Variants in PRKN observed in about 807,000 individuals in gnomAD.
The protein encoded by PRKN is parkin RBR E3 ubiquitin protein ligase, also known as E3 ubiquitin-protein ligase parkin.
In PRKN, 56 loss-of-function variants were observed where a neutral mutation model predicts 59.5. The ratio of observed to expected loss-of-function variants is 0.94; its 90% CI spans 0.76 to 1.18. The LOEUF is 1.18. Ranked by LOEUF, PRKN falls within the 50% of genes most tolerant of loss-of-function variation. The pLI is 0.00. For missense variants in PRKN, 657 were observed against 596.4 expected (o/e 1.10, Z -1.06); for synonymous variants, 250 against 222.1 (o/e 1.13, Z -1.12).
At chr6:162,339,287 A>G (rs1300281909) in intron 2 of PRKN, among the ~76,000 whole-genome samples, 6 of 99,844 alleles carry the variant, frequency 6.0e-5, no homozygotes, top group African/African-American at 1.9e-4. Context: ...TCCGGGAGGG[A>G]GGTGGGGGGG....
At chr6:162,292,849 G>A (rs1208687304) in intron 2 of PRKN, among the ~76,000 whole-genome samples, 1 of 152,050 alleles carries the variant, frequency 6.6e-6, no homozygotes, top group East Asian at 1.9e-4. Flanking sequence ...ATTCTTTCTG[G>A]GATCTCCTAC....
chr6:161,532,130 C>T (rs1322706748), intron 9 of PRKN, among the ~76,000 whole-genome samples: 3 of 145,182 alleles, frequency 2.1e-5, no homozygotes, highest in Non-Finnish European at 4.5e-5. Context: ...TCCATCCTAT[C>T]TCTGTCTTGC....
At chr6:161,946,414 A>ACACTCTCTCTCTCTCT (rs1247187053) in intron 6 of PRKN, among the ~76,000 whole-genome samples, 1 of 114,376 alleles carries the variant, frequency 8.7e-6, no homozygotes, top group African/African-American at 3.7e-5. Flanking sequence ...ACACACACAC[A>ACACTCTCTCTCTCTCT]CTCTCTCTCT....
chr6:161,646,658 T>A (rs1171923370), intron 7 of PRKN, among the ~76,000 whole-genome samples: 3 of 152,088 alleles, frequency 2.0e-5, no homozygotes, highest in African/African-American at 7.2e-5. Context: ...AGGCGAAACG[T>A]CAGTGACAGG....
At chr6:162,160,406 G>A (rs558186782) in intron 4 of PRKN, among the ~76,000 whole-genome samples, 1 of 152,186 alleles carries the variant, frequency 6.6e-6, no homozygotes, top group African/African-American at 2.4e-5. Flanking sequence ...GATGGGACTA[G>A]AGGAGTGAAA....
At chr6:162,381,180 C>T (rs1015489677) in intron 2 of PRKN, among the ~76,000 whole-genome samples, 29 of 152,148 alleles carry the variant, frequency 1.9e-4, no homozygotes, top group African/African-American at 2.9e-4. Context: ...GTCTGGGCAT[C>T]GTCTCCATTG....
At chr6:161,859,276 CG>C (rs1428421718) in intron 6 of PRKN, among the ~76,000 whole-genome samples, 1 of 152,008 alleles carries the variant, frequency 6.6e-6, no homozygotes, top group Non-Finnish European at 1.5e-5. Flanking sequence ...GTGCTAATTG[CG>C]TACCTCTCTC....
intron 7 of PRKN, among the ~76,000 whole-genome samples, chr6:161,774,382 G>GCGCGCACACA (rs71709903): frequency 2.3e-5 from 3 of 130,934 alleles, no homozygotes; most frequent in Non-Finnish European, 4.9e-5. Context: ...TACTCCCTGA[G>GCGCGCACACA]CACACACACA....
intron 9 of PRKN, among the ~76,000 whole-genome samples, chr6:161,510,623 T>C (rs1018947071): frequency 2.0e-5 from 3 of 152,206 alleles, no homozygotes; most frequent in African/African-American, 7.2e-5. Context: ...TGCTTTACCC[T>C]AATTACACAG....
chr6:161,680,765 ATATATATATATTTT>A (rs1349299589), intron 7 of PRKN, among the ~76,000 whole-genome samples: 24 of 10,888 alleles, frequency 2.2e-3, no homozygotes, highest in African/African-American at 5.6e-3. Flanking sequence ...ATATATATAT[ATATATATATATTTT>A]TTTTTTTTTT....
intron 7 of PRKN, among the ~76,000 whole-genome samples, chr6:161,672,116 T>C (rs1303965481): frequency 6.6e-6 from 1 of 152,124 alleles, no homozygotes; most frequent in Non-Finnish European, 1.5e-5. Context: ...TAATAAATTA[T>C]TCGACCTGCA....
chr6:162,280,073 G>T (rs1416837797), intron 2 of PRKN, among the ~76,000 whole-genome samples: 1 of 152,010 alleles, frequency 6.6e-6, no homozygotes, highest in Non-Finnish European at 1.5e-5. Flanking sequence ...CTCTGCACAT[G>T]GGAAGGGTCT....
At chr6:162,072,517 C>T (rs1201779128) in intron 4 of PRKN, among the ~76,000 whole-genome samples, 1 of 152,188 alleles carries the variant, frequency 6.6e-6, no homozygotes, top group Non-Finnish European at 1.5e-5. Flanking sequence ...GATGATTTCT[C>T]AGATACTGAC....
intron 9 of PRKN, among the ~76,000 whole-genome samples, chr6:161,489,574 C>A (rs973365461): frequency 6.6e-6 from 1 of 151,966 alleles, no homozygotes; most frequent in Non-Finnish European, 1.5e-5. Context: ...ACAACAACAA[C>A]AAACCCAAAA....
intron 1 of PRKN, among the ~76,000 whole-genome samples, chr6:162,533,988 A>AAAAAAAAAAAG (rs71004099): frequency 7.0e-6 from 1 of 143,678 alleles, no homozygotes; most frequent in African/African-American, 2.5e-5. Flanking sequence ...AAAAAAAAAA[A>AAAAAAAAAAAG]GAGATATGAA....
chr6:162,448,802 C>A (rs28522327), intron 1 of PRKN, among the ~76,000 whole-genome samples: 9 of 150,610 alleles, frequency 6.0e-5, no homozygotes, highest in African/African-American at 2.0e-4. Context: ...CTTTCTTTCT[C>A]TTTCTCTTTC....
chr6:162,026,320 T>C (rs1783433978), intron 5 of PRKN, among the ~76,000 whole-genome samples: 2 of 152,308 alleles, frequency 1.3e-5, no homozygotes, highest in African/African-American at 4.8e-5. Flanking sequence ...AACACTGCAA[T>C]TATGTACTCA....
chr6:162,233,789 C>A (rs1032332928), intron 3 of PRKN, among the ~76,000 whole-genome samples: 14 of 152,064 alleles, frequency 9.2e-5, no homozygotes, highest in African/African-American at 3.4e-4. Context: ...GAGGGGACAC[C>A]CTGATAGGAC....
At chr6:161,992,199 T>C (rs1367362300) in intron 5 of PRKN, among the ~76,000 whole-genome samples, 1 of 151,338 alleles carries the variant, frequency 6.6e-6, no homozygotes, top group Non-Finnish European at 1.5e-5. Context: ...ATTAGTTGAG[T>C]GGGGTGGTGG....
Sources: gnomAD v4.1 joint callset for allele counts (sites outside exome capture counted in the v4.1 genomes callset) on GRCh38, gnomAD v4.1.1 for gene constraint, MANE v1.5 for transcripts, NCBI Gene and HGNC (gene_info 2026-07-23, HGNC 2026-07-21) for gene names.